Variants in OPCML observed in about 807,000 individuals in gnomAD.
The protein encoded by OPCML is opioid binding protein/cell adhesion molecule like.
OPCML carries 13 observed loss-of-function variants against 37.8 expected under a neutral mutation model. The observed-to-expected ratio is 0.34, with a 90% CI of 0.22 to 0.55. OPCML has a LOEUF of 0.55. OPCML is among the 20% of genes least tolerant of loss of function. The pLI, the probability that OPCML is intolerant of heterozygous loss-of-function variation, is 0.91. For synonymous variants in OPCML, 176 were observed against 168.8 expected, an observed-to-expected ratio of 1.04 and a Z score of -0.33; for missense variants, 341 against 435.6, an observed-to-expected ratio of 0.78 and a Z score of 1.93.
intron 3 of OPCML, among the ~76,000 whole-genome samples, chr11:132,541,592 G>T (rs2096356788): frequency 6.7e-6 from 1 of 150,348 alleles, no homozygotes; most frequent in Non-Finnish European, 1.5e-5. Flanking sequence ...TGCAAAGTTT[G>T]CCACACATCA....
At chr11:133,077,729 A>C (rs1948646139) in intron 1 of OPCML, among the ~76,000 whole-genome samples, 2 of 152,228 alleles carry the variant, frequency 1.3e-5, no homozygotes, top group South Asian at 4.1e-4. Flanking sequence ...TCTACAAAGA[A>C]AATCTTCAAA....
At chr11:132,458,515 A>G (rs1171246471) in intron 4 of OPCML, among the ~76,000 whole-genome samples, 1 of 152,244 alleles carries the variant, frequency 6.6e-6, no homozygotes, top group African/African-American at 2.4e-5. Context: ...AGCAATTGTC[A>G]AACTTTTTTC....
intron 4 of OPCML, among the ~76,000 whole-genome samples, chr11:132,469,694 ATGTG>A (rs1275368066): frequency 1.4e-5 from 1 of 72,570 alleles, no homozygotes; most frequent in African/African-American, 5.6e-5. Flanking sequence ...GTGGGGGTGT[ATGTG>A]TGTGTATGTG....
At chr11:132,984,333 TACAATATAATGGCA>T (rs1946645544) in intron 1 of OPCML, among the ~76,000 whole-genome samples, 1 of 152,200 alleles carries the variant, frequency 6.6e-6, no homozygotes, top group Non-Finnish European at 1.5e-5. Context: ...ATTAAGTACT[TACAATATAATGGCA>T]ATCAATATGT....
At chr11:132,827,379 A>G (rs1331785955) in intron 2 of OPCML, among the ~76,000 whole-genome samples, 1 of 152,176 alleles carries the variant, frequency 6.6e-6, no homozygotes, top group Non-Finnish European at 1.5e-5. Context: ...CACCTACTTG[A>G]ATGGCTAAAA....
intron 1 of OPCML, among the ~76,000 whole-genome samples, chr11:133,100,381 A>G (rs12575127): frequency 0.032 from 4,845 of 152,302 alleles, 257 homozygotes; most frequent in East Asian, 0.27. Flanking sequence ...GTTATTCCCA[A>G]CTTAATGTAT....
intron 3 of OPCML, among the ~76,000 whole-genome samples, chr11:132,572,816 A>G (rs975607464): frequency 6.6e-6 from 1 of 152,048 alleles, no homozygotes; most frequent in Non-Finnish European, 1.5e-5. Context: ...TAGGAATTGC[A>G]TTAAAACTGT....
At chr11:133,287,663 G>A (rs1284845536) in intron 1 of OPCML, among the ~76,000 whole-genome samples, 1 of 152,162 alleles carries the variant, frequency 6.6e-6, no homozygotes, top group Non-Finnish European at 1.5e-5. Flanking sequence ...CAGCAGACAG[G>A]CAGAACCAGG....
chr11:132,589,329 G>A (rs1426137266), intron 3 of OPCML, among the ~76,000 whole-genome samples: 2 of 152,106 alleles, frequency 1.3e-5, no homozygotes, highest in African/African-American at 4.8e-5. Context: ...ATAAAAAAAA[G>A]TAGCCCATTG....
chr11:132,658,549 G>C (rs1331968423), intron 2 of OPCML, among the ~76,000 whole-genome samples: 1 of 152,156 alleles, frequency 6.6e-6, no homozygotes, highest in East Asian at 1.9e-4. Context: ...ATCTAGGGCG[G>C]TCCTCTCCCT....
chr11:133,024,560 A>G (rs1003379187), intron 1 of OPCML: 2 of 985,186 alleles, frequency 2.0e-6, no homozygotes, highest in African/African-American at 3.5e-5. Context: ...ATTCATGTAC[A>G]ACAAAGAACT....
chr11:132,922,599 C>T (rs1469317388), intron 2 of OPCML, among the ~76,000 whole-genome samples: 2 of 152,162 alleles, frequency 1.3e-5, no homozygotes, highest in African/African-American at 4.8e-5. Context: ...AAATTCTTCA[C>T]TCTCCTGCAT....
At chr11:133,204,880 A>ATATATATATATATATGTGTG (rs1938979009) in intron 1 of OPCML, among the ~76,000 whole-genome samples, 3 of 26,340 alleles carry the variant, frequency 1.1e-4, no homozygotes, top group Non-Finnish European at 2.7e-4. Flanking sequence ...ATATATATAT[A>ATATATATATATATATGTGTG]TATATATATA....
chr11:132,464,153 A>G (rs1048983122), intron 4 of OPCML, among the ~76,000 whole-genome samples: 6 of 152,150 alleles, frequency 3.9e-5, no homozygotes, highest in Non-Finnish European at 8.8e-5. Flanking sequence ...TTCCCTCCAA[A>G]GGCCTCTGCA....
chr11:133,021,190 A>T (rs1271724739), intron 1 of OPCML, among the ~76,000 whole-genome samples: 1 of 152,222 alleles, frequency 6.6e-6, no homozygotes, highest in African/African-American at 2.4e-5. Context: ...AAGAGGATAC[A>T]TACAGGTAAG....
At chr11:133,154,647 A>C (rs1030601044) in intron 1 of OPCML, among the ~76,000 whole-genome samples, 6 of 152,214 alleles carry the variant, frequency 3.9e-5, no homozygotes. Flanking sequence ...TATTAGGAAA[A>C]CAATTCAAGC....
chr11:132,539,122 T>C (rs1238736820), intron 3 of OPCML, among the ~76,000 whole-genome samples: 1 of 152,214 alleles, frequency 6.6e-6, no homozygotes, highest in Non-Finnish European at 1.5e-5. Flanking sequence ...CCTTTTCTCA[T>C]GTAAATTATG....
In OPCML at chr11:133,429,359, A is replaced by G. The variant is rs75928450; in HGVS notation, c.61+102905T>C. Among the ~76,000 whole-genome samples the G allele has an allele frequency of 4.5e-3, 685 of 152,262 alleles. 6 individuals are homozygous for G. Among genetic ancestry groups the G allele is most frequent in the African/African-American group, 0.015 (636 of 41,550 alleles). Reference sequence around the variant, plus strand: ...ATGGGACCAGAGACAGACTGGGGTGAGCTGGGGATTGGATCATATAGTCTT... The same window carrying G: ...ATGGGACCAGAGACAGACTGGGGTGGGCTGGGGATTGGATCATATAGTCTT... On this transcript the variant is annotated intron_variant, in intron 1 of 7. Transcript: ENST00000524381.
rs749198609 is a variant in OPCML at position 132,420,303 on chromosome 11, GGA to G, written c.917-12_917-11del. On this transcript the variant is annotated splice_polypyrimidine_tract_variant and intron_variant, in intron 7 of 7. Transcript: ENST00000524381. ...ATGACTGCTCCAGGCCCTGTGTAGG[GGA>G]GAGAGAGACAGACCCATTAGCATAC... 23 of 1,613,326 alleles carry G rather than the reference GGA, an allele frequency of 1.4e-5. No individual in the cohort carries two copies. Among genetic ancestry groups the G allele is most frequent in the Non-Finnish European group, 1.9e-5 (22 of 1,179,728 alleles).
Sources: allele counts gnomAD v4.1 joint callset (sites outside exome capture counted in the v4.1 genomes callset), GRCh38; gene constraint gnomAD v4.1.1; transcripts MANE v1.5; gene names NCBI Gene and HGNC (gene_info 2026-07-23, HGNC 2026-07-21).